Variants in SPECC1 observed in about 807,000 individuals in gnomAD.
SPECC1 encodes cytospin-B.
In SPECC1, 62 loss-of-function variants were observed where a neutral mutation model predicts 104.1. That is an observed-to-expected ratio of 0.60 (90% CI 0.49 to 0.74). SPECC1 has a LOEUF of 0.74. Ranked by LOEUF, SPECC1 falls within the 30% of genes least tolerant of loss-of-function variation. The pLI is 0.00. For synonymous variants in SPECC1, 513 were observed against 501.6 expected (o/e 1.02, Z -0.30); for missense variants, 1,306 against 1,310.5 (o/e 1.00, Z 0.05).
chr17:20,166,474 T>A (rs577790057), intron 3 of SPECC1, among the ~76,000 whole-genome samples: 81 of 152,278 alleles, frequency 5.3e-4, no homozygotes, highest in African/African-American at 1.9e-3. Flanking sequence ...TTTGGAAATT[T>A]TGAGTCAAAT....
intron 2 of SPECC1, among the ~76,000 whole-genome samples, chr17:20,105,660 G>C (rs2152516977): frequency 6.6e-6 from 1 of 152,302 alleles, no homozygotes; most frequent in East Asian, 1.9e-4. Context: ...CACTGCTACT[G>C]CTTCACCCCT....
chr17:20,161,660 A>G (rs1271821446), intron 3 of SPECC1, among the ~76,000 whole-genome samples: 1 of 151,656 alleles, frequency 6.6e-6, no homozygotes, highest in Non-Finnish European at 1.5e-5. Flanking sequence ...TATGCTCTTT[A>G]CTTTTAAAAT....
intron 3 of SPECC1, among the ~76,000 whole-genome samples, chr17:20,183,765 A>G (rs1326235095): frequency 2.6e-5 from 4 of 152,124 alleles, no homozygotes; most frequent in African/African-American, 7.2e-5. Context: ...ATTCAGATGT[A>G]CCCATCCCTT....
intron 4 of SPECC1, among the ~76,000 whole-genome samples, chr17:20,224,349 A>G (rs2038080993): frequency 6.6e-6 from 1 of 152,120 alleles, no homozygotes; most frequent in Admixed American, 6.5e-5. Context: ...TTGCCTGGCT[A>G]CTGCTGATGT....
Position 20,245,910 on chromosome 17 carries a change from G to A in SPECC1, c.2352-16G>A. ...GTCCTCCATCTTTTCAATCTGATTT[G>A]CTCTTTGCCATGCAGACCTGTGGAT... is the stretch of plus-strand genomic sequence containing the variant. On this transcript the variant is annotated splice_polypyrimidine_tract_variant and intron_variant, in intron 7 of 14. Coordinates refer to ENST00000395527, the MANE Select transcript of SPECC1 (RefSeq NM_001243439.2). 1 of 1,613,410 alleles carries A rather than the reference G, an allele frequency of 6.2e-7. No individual in the cohort carries two copies. Among genetic ancestry groups the A allele is most frequent in the Non-Finnish European group, 8.5e-7 (1 of 1,179,666 alleles).
intron 12 of SPECC1, among the ~76,000 whole-genome samples, chr17:20,285,572 G>A (rs991296021): frequency 1.3e-5 from 2 of 152,092 alleles, no homozygotes; most frequent in African/African-American, 2.4e-5. Context: ...AAGTTAATTT[G>A]TAATTAGTAA....
intron 3 of SPECC1, among the ~76,000 whole-genome samples, chr17:20,159,082 C>A (rs2080673): frequency 0.29 from 44,286 of 151,806 alleles, 8,257 homozygotes; most frequent in Non-Finnish European, 0.41. Context: ...GTAGCTGAGA[C>A]TGCAGGTGTG....
intron 1 of SPECC1, among the ~76,000 whole-genome samples, chr17:20,061,141 G>A (rs1051881527): frequency 6.6e-6 from 1 of 152,042 alleles, no homozygotes; most frequent in Non-Finnish European, 1.5e-5. Flanking sequence ...GCGCGATCTC[G>A]GCTCACTGCA....
chr17:20,246,041 C>T lies in SPECC1; in HGVS notation c.2467C>T (p.Leu823Phe). The change falls in exon 8 of 15, where the codon CTT (leucine) becomes TTT (phenylalanine). Residue 823 changes from leucine (L) to phenylalanine (F), a missense_variant. Leu to Phe is a conservative substitution (Grantham distance 22). Coordinates refer to ENST00000395527, the MANE Select transcript of SPECC1 (RefSeq NM_001243439.2). ...PPESATTVKS[L>F]IKSFDLGRPG... ...AGAGTCGGCAACCACCGTTAAGTCA[C>T]TTATCAAGTCATTTGACTTGGGACG... 1 of 1,614,160 alleles carries T rather than the reference C, an allele frequency of 6.2e-7. No homozygotes were observed. Among genetic ancestry groups the T allele is most frequent in the Non-Finnish European group, 8.5e-7 (1 of 1,180,008 alleles).
intron 7 of SPECC1, among the ~76,000 whole-genome samples, chr17:20,245,248 G>C (rs1171560832): frequency 6.6e-6 from 1 of 152,180 alleles, no homozygotes; most frequent in Non-Finnish European, 1.5e-5. Context: ...TGGACCACCA[G>C]GGAACCTGCT....
chr17:20,140,663 ACTACCAG>A (rs1459535425), intron 3 of SPECC1, among the ~76,000 whole-genome samples: 1 of 152,212 alleles, frequency 6.6e-6, no homozygotes, highest in Non-Finnish European at 1.5e-5. Flanking sequence ...CAGAGAGGAG[ACTACCAG>A]CCAAAAGTGT....
intron 3 of SPECC1, among the ~76,000 whole-genome samples, chr17:20,174,486 G>A (rs1464023690): frequency 1.3e-5 from 2 of 152,080 alleles, no homozygotes; most frequent in East Asian, 1.9e-4. Context: ...GAAGCCGGTT[G>A]GGCAGAGGGA....
chr17:20,298,660 TCAGA>T (rs1463809079), intron 13 of SPECC1, among the ~76,000 whole-genome samples: 1 of 151,902 alleles, frequency 6.6e-6, no homozygotes, highest in African/African-American at 2.4e-5. Context: ...GAAATATGTC[TCAGA>T]CAGAATCAAC....
At chr17:20,199,178 C>T (rs2036238369) in intron 3 of SPECC1, among the ~76,000 whole-genome samples, 1 of 145,624 alleles carries the variant, frequency 6.9e-6, no homozygotes, top group Admixed American at 7.0e-5. Flanking sequence ...CCTTCGTCTC[C>T]TGGGTTCAAG....
intron 3 of SPECC1, among the ~76,000 whole-genome samples, chr17:20,119,284 C>A (rs925684126): frequency 6.6e-6 from 1 of 152,104 alleles, no homozygotes; most frequent in South Asian, 2.1e-4. Context: ...GCTCTTGTTG[C>A]CCAGGCTGGA....
intron 11 of SPECC1, 43 bp from the exon 12 acceptor site, chr17:20,260,149 T>C (rs759996562): frequency 4.7e-6 from 7 of 1,483,922 alleles, no homozygotes; most frequent in Non-Finnish European, 5.6e-6. Flanking sequence ...GAATTCTAAG[T>C]ATTAGCATCT....
intron 3 of SPECC1, among the ~76,000 whole-genome samples, chr17:20,203,096 G>T (rs2151337467): frequency 6.6e-6 from 1 of 152,166 alleles, no homozygotes; most frequent in Admixed American, 6.5e-5. Flanking sequence ...TGTGGAACCT[G>T]CCTTAGCGCT....
chr17:20,296,826 T>G, intron 12 of SPECC1, 135 bp from the exon 13 acceptor site: 1 of 734,328 alleles, frequency 1.4e-6, no homozygotes, highest in South Asian at 1.8e-5. Flanking sequence ...CTCTGTCTGT[T>G]ATTGGTGTAT....
intron 2 of SPECC1, among the ~76,000 whole-genome samples, chr17:20,103,146 C>T (rs949631495): frequency 6.6e-6 from 1 of 152,184 alleles, no homozygotes; most frequent in Non-Finnish European, 1.5e-5. Flanking sequence ...TTTCCCAACC[C>T]CTGTGACGTG....
Sources: allele counts gnomAD v4.1 joint callset (sites outside exome capture counted in the v4.1 genomes callset), GRCh38; gene constraint gnomAD v4.1.1; transcripts MANE v1.5; gene names NCBI Gene and HGNC (gene_info 2026-07-23, HGNC 2026-07-21).